B3GALT5: variants seen among roughly 807,000 people sequenced by gnomAD.
B3GALT5 encodes UDP-Gal:betaGlcNAc beta 1,3-galactosyltransferase, polypeptide 5.
For missense variants in B3GALT5, 328 were observed against 396.6 expected (o/e 0.83, Z 1.47); for synonymous variants, 156 against 158.6 (o/e 0.98, Z 0.12).
chr21:39,631,785 A>G (rs1295192802), intron 1 of B3GALT5, among the ~76,000 whole-genome samples: 1 of 152,236 alleles, frequency 6.6e-6, no homozygotes, highest in African/African-American at 2.4e-5. Flanking sequence ...GCAGAGCTAT[A>G]TGAAGGTATG....
chr21:39,640,624 G>C (rs564439394), intron 1 of B3GALT5, among the ~76,000 whole-genome samples: 2 of 152,014 alleles, frequency 1.3e-5, no homozygotes, highest in South Asian at 4.1e-4. Context: ...TCAAAACTAT[G>C]AGGTCTTGTA....
At chr21:39,642,373 C>T (rs533945794) in intron 1 of B3GALT5, among the ~76,000 whole-genome samples, 2 of 152,160 alleles carry the variant, frequency 1.3e-5, no homozygotes, top group South Asian at 4.2e-4. Context: ...CTGGGGAAAC[C>T]GAGAGGATGG....
intron 1 of B3GALT5, among the ~76,000 whole-genome samples, chr21:39,613,799 A>G (rs1376186157): frequency 6.6e-6 from 1 of 152,244 alleles, no homozygotes; most frequent in Non-Finnish European, 1.5e-5. Context: ...CTTGAGGGAT[A>G]AATACAGCTT....
intron 1 of B3GALT5, among the ~76,000 whole-genome samples, chr21:39,622,171 C>G (rs1260424918): frequency 6.6e-6 from 1 of 152,006 alleles, no homozygotes; most frequent in Admixed American, 6.6e-5. Flanking sequence ...TTTCAAAACA[C>G]ACATTTTTCT....
At chr21:39,651,805 C>T (rs1340597563) in intron 2 of B3GALT5, among the ~76,000 whole-genome samples, 1 of 152,080 alleles carries the variant, frequency 6.6e-6, no homozygotes, top group Non-Finnish European at 1.5e-5. Flanking sequence ...AGCTGGAAAT[C>T]ATTGTTAAAT....
At chr21:39,654,102 G>C (rs898560263) in intron 2 of B3GALT5, among the ~76,000 whole-genome samples, 2 of 152,212 alleles carry the variant, frequency 1.3e-5, no homozygotes, top group Non-Finnish European at 2.9e-5. Context: ...TGATTTGCTA[G>C]ATCATAGCAC....
Position 39,670,362 on chromosome 21 carries a change from G to A in B3GALT5, c.*8870G>A, listed in dbSNP as rs1360304598. ...CGTGTCCATGAAGGGCAGTGGAAGAGCAAGGGGCGGTTTAATTACCTGGGA... is the reference window on the plus strand; with the variant it reads ...CGTGTCCATGAAGGGCAGTGGAAGAACAAGGGGCGGTTTAATTACCTGGGA... On this transcript the variant is annotated 3_prime_UTR_variant, in exon 4 of 4. Transcript: ENST00000684187. The A allele has an allele frequency of 1.3e-5, 2 of 152,204 alleles. No individual in the cohort carries two copies. The highest frequency in any genetic ancestry group is 6.5e-5 in the Admixed American group (1 of 15,278). 9.4% of individuals were successfully genotyped at this position (152,204 alleles called of 1,614,324 possible). A position where few individuals can be genotyped will look rare whatever the true frequency, so the allele number is the denominator to read the frequency against.
At chr21:39,651,547 G>C (rs2079395559) in intron 2 of B3GALT5, among the ~76,000 whole-genome samples, 2 of 152,188 alleles carry the variant, frequency 1.3e-5, no homozygotes, top group Admixed American at 1.3e-4. Flanking sequence ...ATCCCCCAAT[G>C]ACCTCACTGA....
chr21:39,650,055 C>T (rs2079380128), intron 2 of B3GALT5, among the ~76,000 whole-genome samples: 1 of 152,062 alleles, frequency 6.6e-6, no homozygotes, highest in Non-Finnish European at 1.5e-5. Context: ...TCGTCTTTGT[C>T]GTGGAACCCC....
chr21:39,655,872 C>T (rs1028274428), intron 2 of B3GALT5, among the ~76,000 whole-genome samples: 9 of 152,088 alleles, frequency 5.9e-5, no homozygotes, highest in Non-Finnish European at 1.2e-4. Flanking sequence ...CTCGTCCACC[C>T]CCGTCATGCT....
At position 39,669,355 on chromosome 21, in the gene B3GALT5, T is replaced by C. The variant is rs1223016625; in HGVS notation, c.*7863T>C. 6.6e-6 allele frequency: 1 copy of C among 151,872 alleles called. No individual in the cohort carries two copies. The highest frequency in any genetic ancestry group is 1.5e-5 in the Non-Finnish European group (1 of 67,992). 9.4% of individuals were successfully genotyped at this position (151,872 alleles called of 1,614,324 possible). ...TGACTTTGCCAGGTCCTTCAGCGAG[T>C]GGCACATCCAGGATTAAAAGCTGGC... On this transcript the variant is annotated 3_prime_UTR_variant, in exon 4 of 4. Coordinates refer to ENST00000684187, the MANE Select transcript of B3GALT5 (RefSeq NM_001356336.2).
intron 1 of B3GALT5, among the ~76,000 whole-genome samples, chr21:39,639,976 A>G (rs1316248478): frequency 6.6e-6 from 1 of 151,882 alleles, no homozygotes; most frequent in Non-Finnish European, 1.5e-5. Flanking sequence ...TAAAATGTAA[A>G]TAAATAACTG....
chr21:39,634,602 T>A (rs1172044949), intron 1 of B3GALT5, among the ~76,000 whole-genome samples: 1 of 152,132 alleles, frequency 6.6e-6, no homozygotes, highest in Non-Finnish European at 1.5e-5. Context: ...GAGGTTCAAG[T>A]GGAGTCTTTT....
Position 39,667,472 on chromosome 21 carries a change from T to C in B3GALT5, c.*5980T>C, listed in dbSNP as rs879633585. On this transcript the variant is annotated 3_prime_UTR_variant, in exon 4 of 4. Transcript: ENST00000684187. ...AGCTTTAAATTTCAGCTAACAAATA[T>C]GAGCATGGCCTCTGGGAATGGTAAG... is the stretch of plus-strand genomic sequence containing the variant. The C allele has an allele frequency of 1.3e-5, 2 of 152,252 alleles. No homozygotes were observed. The highest frequency in any genetic ancestry group is 2.9e-5 in the Non-Finnish European group (2 of 68,040). The allele number at this position is 152,252 out of a possible 1,614,324, so 9.4% of individuals were successfully genotyped here.
At position 39,667,811 on chromosome 21, in the gene B3GALT5, C is replaced by G. The variant is rs1027612647; in HGVS notation, c.*6319C>G. On this transcript the variant is annotated 3_prime_UTR_variant, in exon 4 of 4. Transcript: ENST00000684187. ...CTTCCAGGGCTGGGCGACCCACTTA[C>G]GGAGGCCCCATTCCATTTACATCTC... 1.3e-5 allele frequency: 2 copies of G among 152,234 alleles called. No homozygotes were observed. The highest frequency in any genetic ancestry group is 4.8e-5 in the African/African-American group (2 of 41,456). 9.4% of individuals were successfully genotyped at this position (152,234 alleles called of 1,614,324 possible).
chr21:39,634,152 C>T (rs1026699761), intron 1 of B3GALT5, among the ~76,000 whole-genome samples: 5 of 152,110 alleles, frequency 3.3e-5, no homozygotes, highest in East Asian at 1.9e-4. Context: ...TTTTCAACGT[C>T]GGGTCTTATT....
At chr21:39,638,987 T>G (rs966046665) in intron 1 of B3GALT5, among the ~76,000 whole-genome samples, 7 of 152,216 alleles carry the variant, frequency 4.6e-5, no homozygotes, top group African/African-American at 1.7e-4. Context: ...GTTTCCCGTG[T>G]ACAGCTCTTC....
In B3GALT5 at chr21:39,663,075, A is replaced by T. The variant is rs888128893; in HGVS notation, c.*1583A>T. ...TCATGTTCAGAAAAGCCTCCTTCTC[A>T]GGTGGAAAAAATCAGGGACTGAGCT... is the stretch of plus-strand genomic sequence containing the variant. On this transcript the variant is annotated 3_prime_UTR_variant, in exon 4 of 4. Coordinates refer to ENST00000684187, the MANE Select transcript of B3GALT5 (RefSeq NM_001356336.2). 7.9e-5 allele frequency: 12 copies of T among 152,178 alleles called. No homozygotes were observed. The highest frequency in any genetic ancestry group is 2.4e-4 in the African/African-American group (10 of 41,438). 9.4% of individuals were successfully genotyped at this position (152,178 alleles called of 1,614,324 possible).
intron 2 of B3GALT5, among the ~76,000 whole-genome samples, chr21:39,648,206 A>C (rs1023514281): frequency 4.6e-5 from 7 of 152,264 alleles, no homozygotes; most frequent in Non-Finnish European, 7.3e-5. Context: ...GTTATTAATC[A>C]GAAAAGAATG....
Sources: gnomAD v4.1 joint callset for allele counts (sites outside exome capture counted in the v4.1 genomes callset) on GRCh38, gnomAD v4.1.1 for gene constraint, MANE v1.5 for transcripts, NCBI Gene and HGNC (gene_info 2026-07-23, HGNC 2026-07-21) for gene names.